Variants in RNF17 observed in about 807,000 individuals in gnomAD.
RNF17 encodes spermatogenesis associated 23.
A neutral mutation model predicts 200.5 loss-of-function variants in RNF17; 31 were observed. The observed-to-expected ratio is 0.15, with a 90% CI of 0.12 to 0.21. The LOEUF is 0.21. Ranked by LOEUF, RNF17 falls within the 10% of genes least tolerant of loss-of-function variation. The pLI, the probability that RNF17 is intolerant of heterozygous loss-of-function variation, is 1.00. For synonymous variants in RNF17, 606 were observed against 637.8 expected (o/e 0.95, Z 0.75); for missense variants, 1,628 against 1,905.1 (o/e 0.85, Z 2.71).
intron 29 of RNF17, 54 bp downstream of exon 29, chr13:24,865,052 A>G: frequency 1.5e-6 from 2 of 1,337,078 alleles, no homozygotes; most frequent in Non-Finnish European, 2.1e-6. Flanking sequence ...TCTAGTTAAA[A>G]TGTCACATTT....
intron 15 of RNF17, among the ~76,000 whole-genome samples, chr13:24,815,074 CAG>C (rs1180918195): frequency 6.6e-6 from 1 of 152,068 alleles, no homozygotes; most frequent in African/African-American, 2.4e-5. Context: ...CATCTATGAA[CAG>C]AGAAATGTCA....
At chr13:24,851,340 G>A in intron 23 of RNF17, 116 bp from the exon 24 acceptor site, 1 of 756,148 alleles carries the variant, frequency 1.3e-6, no homozygotes. Context: ...ACTTGACTCA[G>A]CTGGGAATAT....
chr13:24,753,976 G>A, the RNF17 span, among the ~76,000 whole-genome samples: 1 of 151,990 alleles, frequency 6.6e-6, no homozygotes, highest in African/African-American at 2.4e-5. Context: ...GGCCAACATG[G>A]TAAAACCCCC....
intron 15 of RNF17, chr13:24,824,160 C>A (rs775734879): frequency 4.0e-5 from 28 of 708,038 alleles, no homozygotes; most frequent in African/African-American, 7.0e-5. Context: ...CTTCATTAGG[C>A]TTCTTGGTTA....
intron 26 of RNF17, among the ~76,000 whole-genome samples, chr13:24,859,573 G>T (rs2138299226): frequency 6.6e-6 from 1 of 151,870 alleles, no homozygotes; most frequent in East Asian, 1.9e-4. Flanking sequence ...TCAGGTTTCA[G>T]TCAAAATCTT....
Position 24,859,584 on chromosome 13 carries a change from C to A in RNF17, c.3774+420C>A, listed in dbSNP as rs568645914. Among the ~76,000 whole-genome samples, 385 of 151,736 alleles carry A rather than the reference C, an allele frequency of 2.5e-3. 5 individuals are homozygous for A. The highest frequency in any genetic ancestry group is 9.2e-3 in the African/African-American group (381 of 41,410). ...ACACTCAGGTTTCAGTCAAAATCTT[C>A]AAAAATAGCTACATCCTTTGAAATA... On this transcript the variant is annotated intron_variant, in intron 26 of 35. Transcript: ENST00000255324.
intron 2 of RNF17, among the ~76,000 whole-genome samples, chr13:24,769,467 A>T (rs1214311881): frequency 6.6e-6 from 1 of 152,244 alleles, no homozygotes; most frequent in African/African-American, 2.4e-5. Context: ...CTATATTCAC[A>T]TTCTTCAGAC....
At chr13:24,821,893 G>T (rs567894560) in intron 15 of RNF17, among the ~76,000 whole-genome samples, 1 of 151,900 alleles carries the variant, frequency 6.6e-6, no homozygotes, top group Non-Finnish European at 1.5e-5. Flanking sequence ...TTGTCATCTC[G>T]CACGAAGAAA....
At chr13:24,882,572 A>G (rs1953891623), downstream of RNF17, 1 of 153,426 alleles carries the variant, frequency 6.5e-6, no homozygotes, top group Non-Finnish European at 1.4e-5. Flanking sequence ...CAAGTATCCC[A>G]TTTTGAGACA....
chr13:24,754,823 G>A, the RNF17 span, among the ~76,000 whole-genome samples: 6 of 151,616 alleles, frequency 4.0e-5, no homozygotes, highest in Non-Finnish European at 7.4e-5. Flanking sequence ...TTGAGCCCTG[G>A]AAGTCCAGGC....
chr13:24,780,919 T>C (rs1882270795), intron 5 of RNF17, among the ~76,000 whole-genome samples: 1 of 152,038 alleles, frequency 6.6e-6, no homozygotes, highest in Admixed American at 6.6e-5. Flanking sequence ...AATTAAAATC[T>C]CACCTTCTAA....
At chr13:24,773,168 A>G (rs1285302513) in intron 2 of RNF17, among the ~76,000 whole-genome samples, 1 of 152,228 alleles carries the variant, frequency 6.6e-6, no homozygotes, top group Non-Finnish European at 1.5e-5. Context: ...CTAATAATAG[A>G]ACAACCATTT....
At chr13:24,823,300 C>G (rs1417688322) in intron 15 of RNF17, among the ~76,000 whole-genome samples, 1 of 152,154 alleles carries the variant, frequency 6.6e-6, no homozygotes, top group Non-Finnish European at 1.5e-5. Flanking sequence ...TCTTGAACTC[C>G]TGACCTCATG....
At chr13:24,792,515 A>G (rs1341275900) in intron 9 of RNF17, among the ~76,000 whole-genome samples, 2 of 152,218 alleles carry the variant, frequency 1.3e-5, no homozygotes, top group Non-Finnish European at 2.9e-5. Flanking sequence ...CTGATTAATA[A>G]TGTTGCATGT....
intron 32 of RNF17, among the ~76,000 whole-genome samples, chr13:24,871,206 A>G (rs575099336): frequency 1.3e-5 from 2 of 152,334 alleles, no homozygotes; most frequent in African/African-American, 4.8e-5. Flanking sequence ...TCTTTATTAA[A>G]TATGTGTGAT....
intron 8 of RNF17, 77 bp downstream of exon 8, chr13:24,789,501 A>T (rs1050087133): frequency 1.2e-5 from 13 of 1,130,294 alleles, no homozygotes; most frequent in Non-Finnish European, 1.0e-5. Flanking sequence ...AATAGCAAGT[A>T]ATAATAAATT....
chr13:24,763,889 A>G (rs1302700704), upstream of RNF17, among the ~76,000 whole-genome samples: 1 of 152,234 alleles, frequency 6.6e-6, no homozygotes, highest in Non-Finnish European at 1.5e-5. Context: ...GATTATCTAT[A>G]AAGTCACTCA....
intron 6 of RNF17, among the ~76,000 whole-genome samples, chr13:24,782,614 G>C (rs1882552798): frequency 6.7e-6 from 1 of 150,088 alleles, no homozygotes; most frequent in African/African-American, 2.5e-5. Flanking sequence ...ATGGGGGGGG[G>C]ATCTTTGAGC....
At chr13:24,861,744 G>T (rs1460157578) in intron 27 of RNF17, among the ~76,000 whole-genome samples, 2 of 151,972 alleles carry the variant, frequency 1.3e-5, no homozygotes, top group Non-Finnish European at 2.9e-5. Flanking sequence ...GAGACTTAGT[G>T]GTCTAAAACA....
Sources: gnomAD v4.1 joint callset for allele counts (sites outside exome capture counted in the v4.1 genomes callset) on GRCh38, gnomAD v4.1.1 for gene constraint, MANE v1.5 for transcripts, NCBI Gene and HGNC (gene_info 2026-07-23, HGNC 2026-07-21) for gene names.